Variants in GLB1 observed in about 807,000 individuals in gnomAD.
GLB1 encodes galactosidase beta 1.
A neutral mutation model predicts 74.0 loss-of-function variants in GLB1; 56 were observed. The ratio of observed to expected loss-of-function variants is 0.76; its 90% CI spans 0.61 to 0.94. The LOEUF (loss-of-function observed/expected upper bound fraction) is 0.94. Ranked by LOEUF, GLB1 falls within the 40% of genes least tolerant of loss-of-function variation. The pLI is 0.00. For missense variants in GLB1, 787 were observed against 845.5 expected, an observed-to-expected ratio of 0.93 and a Z score of 0.86; for synonymous variants, 323 against 323.6, an observed-to-expected ratio of 1.00 and a Z score of 0.02.
chr3:33,034,715 T>G, intron 10 of GLB1: 1 of 711,150 alleles, frequency 1.4e-6, no homozygotes, highest in Non-Finnish European at 2.7e-6. Context: ...GAGGAAGCAG[T>G]TGGTTGATGG....
chr3:33,094,574 G>A (rs1315172769), intron 1 of GLB1, among the ~76,000 whole-genome samples: 2 of 152,130 alleles, frequency 1.3e-5, no homozygotes, highest in Non-Finnish European at 2.9e-5. Flanking sequence ...CCAAATCAGC[G>A]GTATTCAAAG....
At chr3:33,018,303 AAAAAAAAAAAAAAAAAAAAAAG>A in intron 13 of GLB1, 123 bp downstream of exon 13, 1 of 441,454 alleles carries the variant, frequency 2.3e-6, no homozygotes, top group Non-Finnish European at 4.0e-6. Context: ...AAAAAAAAAA[AAAAAAAAAAAAAAAAAAAAAAG>A]ATGATGGGTA....
intron 4 of GLB1, 49 bp from the exon 5 acceptor site, chr3:33,065,606 A>G: frequency 6.5e-7 from 1 of 1,546,588 alleles, no homozygotes; most frequent in Middle Eastern, 1.9e-4. Flanking sequence ...CCCAGCCTGT[A>G]AGCCACATGC....
intron 1 of GLB1, among the ~76,000 whole-genome samples, chr3:33,095,006 T>A (rs1261619535): frequency 6.6e-6 from 1 of 151,570 alleles, no homozygotes; most frequent in Non-Finnish European, 1.5e-5. Context: ...AGGTCAGGAG[T>A]TCAAGACCAG....
intron 5 of GLB1, among the ~76,000 whole-genome samples, chr3:33,063,065 C>A (rs552667002): frequency 1.3e-5 from 2 of 152,244 alleles, no homozygotes; most frequent in East Asian, 3.9e-4. Context: ...AATATGTCAA[C>A]TGGGATGGCT....
intron 5 of GLB1, among the ~76,000 whole-genome samples, chr3:33,058,605 A>G (rs1356539319): frequency 6.6e-6 from 1 of 152,236 alleles, no homozygotes; most frequent in Non-Finnish European, 1.5e-5. Flanking sequence ...CATGGTAGAA[A>G]TGCTAGAAAA....
intron 10 of GLB1, among the ~76,000 whole-genome samples, chr3:33,036,095 C>T (rs1698265731): frequency 6.6e-6 from 1 of 152,120 alleles, no homozygotes; most frequent in Non-Finnish European, 1.5e-5. Flanking sequence ...AAGTAAGATC[C>T]CTTCCTGGCC....
intron 6 of GLB1, among the ~76,000 whole-genome samples, chr3:33,055,950 G>T (rs188747089): frequency 1.3e-5 from 2 of 151,690 alleles, no homozygotes; most frequent in South Asian, 2.1e-4. Context: ...ACTACAGACC[G>T]GGCGCGGTGG....
At chr3:33,001,207 C>T (rs35688004) in intron 15 of GLB1, among the ~76,000 whole-genome samples, 13,266 of 151,258 alleles carry the variant, frequency 0.088, 773 homozygotes, top group Non-Finnish European at 0.13. Context: ...CTCCTCCTTC[C>T]TGTCTTCTCT....
At chr3:32,973,207 C>G in the GLB1 span, among the ~76,000 whole-genome samples, 1 of 152,184 alleles carries the variant, frequency 6.6e-6, no homozygotes, top group Non-Finnish European at 1.5e-5. Context: ...CCATCAGTCT[C>G]TCTGATTCCT....
At chr3:33,068,165 G>A (rs980549911) in intron 4 of GLB1, 65 bp downstream of exon 4, 2 of 1,608,824 alleles carry the variant, frequency 1.2e-6, no homozygotes. Flanking sequence ...AGGATTACAG[G>A]CGTGAGCCAC....
intron 11 of GLB1, 103 bp downstream of exon 11, chr3:33,024,148 C>T (rs756701100): frequency 1.2e-5 from 16 of 1,330,426 alleles, no homozygotes; most frequent in Admixed American, 2.1e-5. Flanking sequence ...AGAAAAATAA[C>T]GAACCAATTC....
chr3:33,035,598 G>A (rs1037821506), intron 10 of GLB1, among the ~76,000 whole-genome samples: 11 of 152,134 alleles, frequency 7.2e-5, no homozygotes, highest in Admixed American at 5.2e-4. Flanking sequence ...ATCCCAGAGA[G>A]CTCTTTAGCC....
At chr3:33,021,325 G>A (rs1697468584) in intron 12 of GLB1, 2 of 562,386 alleles carry the variant, frequency 3.6e-6, no homozygotes, top group Admixed American at 6.1e-5. Context: ...TTATGTTGAA[G>A]CAGGTTGGGC....
intron 10 of GLB1, among the ~76,000 whole-genome samples, chr3:33,040,337 C>A (rs1698447079): frequency 6.6e-6 from 1 of 152,102 alleles, no homozygotes; most frequent in African/African-American, 2.4e-5. Context: ...CTGGAAGAAC[C>A]CACATTCACC....
chr3:33,029,656 A>G (rs1479168812), intron 10 of GLB1, among the ~76,000 whole-genome samples: 1 of 152,228 alleles, frequency 6.6e-6, no homozygotes. Context: ...TTGCAGCAAC[A>G]TGGATGGAGC....
At chr3:32,995,626 C>T (rs1196904717), downstream of GLB1, among the ~76,000 whole-genome samples, 5 of 151,822 alleles carry the variant, frequency 3.3e-5, no homozygotes, top group African/African-American at 1.2e-4. Flanking sequence ...AAATATACCA[C>T]CAAGAAAACA....
Position 33,014,900 on chromosome 3 carries a change from G to T in GLB1, c.1480-590C>A, listed in dbSNP as rs148545566. 1.4e-4 allele frequency among the ~76,000 whole-genome samples: 22 copies of T among 152,340 alleles called. No homozygotes were observed. The East Asian group carries it at 4.0e-3, about 28-fold the overall frequency. On this transcript the variant is annotated intron_variant, in intron 14 of 15. Coordinates refer to ENST00000307363, the MANE Select transcript of GLB1 (RefSeq NM_000404.4). ...GAGAATCGCTTGAACCTGACAGGTG[G>T]AGGTTGCAGTGAGCTGAGATCGCGC...
chr3:33,049,007 AT>A (rs57182223), intron 9 of GLB1, among the ~76,000 whole-genome samples: 12,307 of 152,266 alleles, frequency 0.081, 1,151 homozygotes, highest in East Asian at 0.48. Context: ...TAAGGACAAC[AT>A]TTATGTTCTG....
Sources: allele counts gnomAD v4.1 joint callset (sites outside exome capture counted in the v4.1 genomes callset), GRCh38; gene constraint gnomAD v4.1.1; transcripts MANE v1.5; gene names NCBI Gene and HGNC (gene_info 2026-07-23, HGNC 2026-07-21).